BPIFB3: variants seen among roughly 807,000 people sequenced by gnomAD.
The protein encoded by BPIFB3 is BPI fold containing family B member 3.
A neutral mutation model predicts 53.1 loss-of-function variants in BPIFB3; 49 were observed. The observed-to-expected ratio is 0.92, with a 90% CI of 0.73 to 1.17. BPIFB3 has a LOEUF of 1.17. Ranked by LOEUF, BPIFB3 falls within the 50% of genes most tolerant of loss-of-function variation. The pLI, the probability that BPIFB3 is intolerant of heterozygous loss-of-function variation, is 0.00. For synonymous variants in BPIFB3, 271 were observed against 269.6 expected (o/e 1.01, Z -0.05); for missense variants, 628 against 592.5 (o/e 1.06, Z -0.62).
chr20:33,061,602 G>C (rs1401418533), intron 4 of BPIFB3, among the ~76,000 whole-genome samples, 166 bp from the exon 6 acceptor site: 2 of 151,692 alleles, frequency 1.3e-5, no homozygotes, highest in Non-Finnish European at 2.9e-5. Context: ...GGGTCCCCTC[G>C]GGAGGAGGAG....
intron 8 of BPIFB3, among the ~76,000 whole-genome samples, chr20:33,065,927 G>A (rs1980652732): frequency 6.6e-6 from 1 of 152,196 alleles, no homozygotes; most frequent in African/African-American, 2.4e-5. Flanking sequence ...CCAGCTGGGG[G>A]ATGGGGGTAG....
rs1332687390 is a variant in BPIFB3 at position 33,070,050 on chromosome 20, C to T, written c.1217+95C>T. On this transcript the variant is annotated intron_variant, in intron 11 of 14. Transcript: ENST00000375494. ...CCGCCTCCCGTTTCTTGAGCATCAG[C>T]GCAATTCCAGGTGTTTTTCCAGCAT... The T allele has an allele frequency of 2.5e-5, 35 of 1,412,762 alleles. No homozygotes were observed. In the East Asian group the frequency reaches 5.9e-4, roughly 24 times the overall value. The allele number at this position is 1,412,762 out of a possible 1,614,324, so 87.5% of individuals were successfully genotyped here.
chr20:33,064,136 A>G (rs1980566005), intron 6 of BPIFB3, among the ~76,000 whole-genome samples: 1 of 152,204 alleles, frequency 6.6e-6, no homozygotes, highest in Non-Finnish European at 1.5e-5. Context: ...CACAACCAGG[A>G]AAAGAATAGA....
Position 33,061,750 on chromosome 20 carries a change from G to A in BPIFB3, c.528-18G>A, listed in dbSNP as rs201034978. ...GTCCACCTGGCAGCCGCACCCACAT[G>A]TGTCTCCCTCTGCTCAGGCTGCTGC... is the stretch of plus-strand genomic sequence containing the variant. On this transcript the variant is annotated intron_variant, in intron 4 of 14. Transcript: ENST00000375494. 1 of 1,613,710 alleles carries A rather than the reference G, an allele frequency of 6.2e-7. No individual in the cohort carries two copies. Among genetic ancestry groups the A allele is most frequent in the African/African-American group, 1.3e-5 (1 of 74,930 alleles).
At chr20:33,066,801 C>A (rs1226680516) in intron 8 of BPIFB3, 23 bp from the exon 10 acceptor site, 4 of 1,612,832 alleles carry the variant, frequency 2.5e-6, no homozygotes, top group Non-Finnish European at 2.5e-6. Flanking sequence ...GCTCACCAAC[C>A]CTCTCTCCCA....
At position 33,061,821 on chromosome 20, in the gene BPIFB3, T is replaced by A. The variant is rs147720727; in HGVS notation, c.581T>A (p.Leu194His). ...GTGGAACAGATGCTCTTCAAGGTGC[T>A]TCCGGGACTGGTGAGTGTGCGGGCC... Residue 194 changes from leucine to histidine, a missense_variant, in exon 5 of 15, where the codon CTT becomes CAT. Transcript: ENST00000375494. The A allele has an allele frequency of 1.3e-3, 2,049 of 1,614,218 alleles. 2 individuals are homozygous for A. Among genetic ancestry groups the A allele is most frequent in the Non-Finnish European group, 1.4e-3 (1,633 of 1,180,038 alleles).
chr20:33,066,946 T>A (rs1377041862), intron 9 of BPIFB3, 69 bp downstream of exon 10: 1 of 1,519,636 alleles, frequency 6.6e-7, no homozygotes, highest in East Asian at 2.3e-5. Flanking sequence ...GAGTCCAGAA[T>A]CTTTCTCAAT....
chr20:33,067,054 T>C (rs560921400), intron 9 of BPIFB3, among the ~76,000 whole-genome samples, 177 bp downstream of exon 10: 1 of 152,342 alleles, frequency 6.6e-6, no homozygotes, highest in Admixed American at 6.5e-5. Flanking sequence ...CAGATTTTGC[T>C]TAGAGAGTAA....
At chr20:33,060,587 T>C (rs1231794741) in intron 4 of BPIFB3, among the ~76,000 whole-genome samples, 5 of 151,744 alleles carry the variant, frequency 3.3e-5, no homozygotes, top group Non-Finnish European at 4.4e-5. Context: ...TTTTTTTTCC[T>C]GAGGCAGAGT....
At position 33,069,882 on chromosome 20, in the gene BPIFB3, A is replaced by G; in HGVS notation, c.1150-6A>G. On this transcript the variant is annotated splice_polypyrimidine_tract_variant and splice_region_variant and intron_variant, in intron 10 of 14. Transcript: ENST00000375494. ...GGGGTGACTTCTGCCTGCTTTGCCC[A>G]TGCAGGTCATGACTGTGCGTGCCCA... The G allele has an allele frequency of 6.2e-7, 1 of 1,614,206 alleles. No individual in the cohort carries two copies. Among genetic ancestry groups the G allele is most frequent in the East Asian group, 2.2e-5 (1 of 44,884 alleles).
Position 33,056,335 on chromosome 20 carries a change from T to TGG in BPIFB3, c.125-206_125-205insGG, listed in dbSNP as rs1467908666. On this transcript the variant is annotated intron_variant, in intron 1 of 14. Transcript: ENST00000375494. ...AAACACTTACTGGGTACCTCCCACA[T>TGG]GCCAGGCAGGGAGGGTGGCCACAGG... 4.0e-4 allele frequency among the ~76,000 whole-genome samples: 61 copies of TGG among 152,328 alleles called. 1 individual carries two copies. The East Asian group carries it at 0.011, about 28-fold the overall frequency.
intron 3 of BPIFB3, 60 bp downstream of exon 4, chr20:33,059,542 G>A: frequency 8.0e-7 from 1 of 1,257,636 alleles, no homozygotes; most frequent in South Asian, 1.3e-5. Flanking sequence ...TGACCTGTTG[G>A]AGACTCCTAC....
chr20:33,059,698 A>G (rs553592081), intron 3 of BPIFB3, among the ~76,000 whole-genome samples, 193 bp from the exon 5 acceptor site: 10 of 151,914 alleles, frequency 6.6e-5, no homozygotes, highest in South Asian at 2.1e-4. Flanking sequence ...CTCTTCCTCC[A>G]GACCCGGACC....
chr20:33,055,551 A>G lies in BPIFB3; in HGVS notation c.124+4A>G. 1 of 1,613,378 alleles carries G rather than the reference A, an allele frequency of 6.2e-7. No individual in the cohort carries two copies. Among genetic ancestry groups the G allele is most frequent in the East Asian group, 2.2e-5 (1 of 44,868 alleles). ...GACAAGGATGAACTCGGCAAAGGTGAGCCCCAGGTGGGCAGTCTGTGAGGG... is the reference window on the plus strand; with the variant it reads ...GACAAGGATGAACTCGGCAAAGGTGGGCCCCAGGTGGGCAGTCTGTGAGGG... On this transcript the variant is annotated splice_donor_region_variant and intron_variant, in intron 1 of 14. Transcript: ENST00000375494.
At chr20:33,071,184 G>A (rs955511926) in intron 11 of BPIFB3, 69 bp from the exon 13 acceptor site, 1 of 1,450,630 alleles carries the variant, frequency 6.9e-7, no homozygotes, top group African/African-American at 1.4e-5. Context: ...CTATGGTGGG[G>A]CAGGCTGGGG....
chr20:33,059,847 G>A, intron 3 of BPIFB3, 44 bp from the exon 5 acceptor site: 3 of 1,601,972 alleles, frequency 1.9e-6, no homozygotes, highest in Non-Finnish European at 1.7e-6. Flanking sequence ...GGCCAAGGGT[G>A]GGAGCTGGCT....
At chr20:33,069,947 C>T (rs1387272093) in exon 11 of BPIFB3, 1 of 1,614,052 alleles carries the variant, frequency 6.2e-7, no homozygotes, top group Non-Finnish European at 8.5e-7. Flanking sequence ...TCTCCCTGTC[C>T]CTGGAACGGT....
At position 33,061,769 on chromosome 20, in the gene BPIFB3, C is replaced by A. The variant is rs187451498; in HGVS notation, c.529C>A (p.Leu177Met). The change falls in exon 5 of 15, where the codon CTG (leucine) becomes ATG (methionine). Residue 177 changes from leucine to methionine, a missense_variant and splice_region_variant. By Grantham distance (15) the Leu-to-Met change is conservative. Coordinates refer to ENST00000375494, the Ensembl canonical transcript of BPIFB3. ...CCACATGTGTCTCCCTCTGCTCAGG[C>A]TGCTGCCCACACCACTCTTTGGGGT... 2.5e-5 allele frequency: 41 copies of A among 1,614,198 alleles called. No homozygotes were observed. Among genetic ancestry groups the A allele is most frequent in the Admixed American group, 1.0e-4 (6 of 60,030 alleles).
At chr20:33,066,172 C>T (rs1980664472) in intron 8 of BPIFB3, among the ~76,000 whole-genome samples, 1 of 152,044 alleles carries the variant, frequency 6.6e-6, no homozygotes, top group African/African-American at 2.4e-5. Context: ...ATCAGGGCCC[C>T]CGGAGGCTGG....
Sources: gnomAD v4.1 joint callset for allele counts (sites outside exome capture counted in the v4.1 genomes callset) on GRCh38, gnomAD v4.1.1 for gene constraint, MANE v1.5 for transcripts, NCBI Gene and HGNC (gene_info 2026-07-23, HGNC 2026-07-21) for gene names.